Variants in GLI2 observed in about 807,000 individuals in gnomAD.
The protein encoded by GLI2 is GLI family zinc finger 2.
Under a neutral mutation model 78.9 loss-of-function variants are expected in GLI2, and 22 were observed. The ratio of observed to expected loss-of-function variants is 0.28; its 90% CI spans 0.20 to 0.40. GLI2 has a LOEUF of 0.40. Ranked by LOEUF, GLI2 falls within the 10% of genes least tolerant of loss-of-function variation. The pLI is 1.00. For missense variants in GLI2, 2,097 were observed against 2,213.2 expected, an observed-to-expected ratio of 0.95 and a Z score of 1.05; for synonymous variants, 974 against 963.7, an observed-to-expected ratio of 1.01 and a Z score of -0.20.
intron 2 of GLI2, among the ~76,000 whole-genome samples, chr2:120,897,198 C>T (rs762297158): frequency 1.3e-5 from 2 of 152,230 alleles, no homozygotes; most frequent in African/African-American, 2.4e-5. Flanking sequence ...GGGTCAGCCT[C>T]AGAAGTAGCA....
intron 2 of GLI2, among the ~76,000 whole-genome samples, chr2:120,812,249 C>G (rs1038313921): frequency 1.3e-5 from 2 of 152,184 alleles, no homozygotes; most frequent in Non-Finnish European, 2.9e-5. Context: ...CACCCCTGTA[C>G]AGCAGGACAG....
chr2:120,768,141 T>C (rs1430858860), intron 1 of GLI2, among the ~76,000 whole-genome samples: 1 of 152,246 alleles, frequency 6.6e-6, no homozygotes, highest in East Asian at 1.9e-4. Context: ...TACCCTGGAA[T>C]AGCAGTATTT....
At chr2:120,876,067 T>C (rs958892465) in intron 2 of GLI2, among the ~76,000 whole-genome samples, 12 of 151,952 alleles carry the variant, frequency 7.9e-5, no homozygotes, top group Non-Finnish European at 1.6e-4. Context: ...GCAGGCCGGG[T>C]GCGGTGGCTC....
intron 4 of GLI2, among the ~76,000 whole-genome samples, chr2:120,954,315 G>A (rs182552637): frequency 1.1e-3 from 164 of 152,312 alleles, no homozygotes; most frequent in African/African-American, 3.3e-3. Flanking sequence ...AAGGAGTAGG[G>A]GAGGGAACTT....
rs1484123408 is a variant in GLI2, at chr2:120,991,346, A to G, written c.*671A>G. On this transcript the variant is annotated 3_prime_UTR_variant, in exon 14 of 14. Coordinates refer to ENST00000361492, the MANE Select transcript of GLI2 (RefSeq NM_001374353.1). ...ATATGAATGAATAAAGCATCCAAGT[A>G]TATATGAATGAATAAAGTATGTAAG... The G allele has an allele frequency of 6.5e-6, 1 of 152,694 alleles. No individual in the cohort carries two copies. The allele number at this position is 152,694 out of a possible 1,614,324, so 9.5% of individuals were successfully genotyped here.
chr2:120,873,451 C>T (rs920827916), intron 2 of GLI2, among the ~76,000 whole-genome samples: 47 of 152,142 alleles, frequency 3.1e-4, no homozygotes, highest in African/African-American at 1.1e-3. Context: ...TTTGACAGAC[C>T]TCTTTGCTGT....
At position 120,978,499 on chromosome 2, in the gene GLI2, G is replaced by A. The variant is rs768606373; in HGVS notation, c.1383G>A (p.Thr461=). ...TTGTGTGCCGCTGGCAGGCCTGCAC[G>A]CGGGAGCAGAAGCCCTTCAAGGCGC... ...KEFVCRWQAC[T]REQKPFKAQY... is the part of the protein sequence containing the mutation. Residue 461 remains threonine (T), a synonymous_variant, in exon 10 of 14, where the codon ACG becomes ACA. Transcript: ENST00000361492. 78 of 1,614,032 alleles carry A rather than the reference G, an allele frequency of 4.8e-5. No individual in the cohort carries two copies. In the Admixed American group the frequency reaches 8.2e-4, roughly 17 times the overall value.
intron 2 of GLI2, among the ~76,000 whole-genome samples, chr2:120,803,018 G>T (rs570761258): frequency 6.6e-6 from 1 of 152,226 alleles, no homozygotes; most frequent in Non-Finnish European, 1.5e-5. Flanking sequence ...TTGGAGAACC[G>T]CATGTTCTGA....
chr2:120,928,546 G>A (rs1022510275), intron 3 of GLI2, among the ~76,000 whole-genome samples: 2 of 152,136 alleles, frequency 1.3e-5, no homozygotes, highest in East Asian at 1.9e-4. Flanking sequence ...ACCAGTGCTC[G>A]CTGAGTGGAG....
At chr2:120,902,119 G>T (rs896021166) in intron 2 of GLI2, among the ~76,000 whole-genome samples, 1 of 151,576 alleles carries the variant, frequency 6.6e-6, no homozygotes, top group Non-Finnish European at 1.5e-5. Context: ...TTGGTACCTT[G>T]AAATCAGCCA....
chr2:120,956,632 G>T (rs911814572), intron 5 of GLI2, among the ~76,000 whole-genome samples: 1 of 152,162 alleles, frequency 6.6e-6, no homozygotes, highest in Non-Finnish European at 1.5e-5. Flanking sequence ...ACAGGGAACA[G>T]GCAGGCACCT....
At chr2:120,874,335 G>A (rs1329321381) in intron 2 of GLI2, among the ~76,000 whole-genome samples, 1 of 152,222 alleles carries the variant, frequency 6.6e-6, no homozygotes, top group African/African-American at 2.4e-5. Flanking sequence ...CCTGTAGCAA[G>A]AGGGAAAAAA....
intron 12 of GLI2, 74 bp from the exon 13 acceptor site, chr2:120,986,204 T>A: frequency 7.2e-7 from 1 of 1,383,354 alleles, no homozygotes; most frequent in Non-Finnish European, 1.0e-6. Context: ...GTGGTGCCTG[T>A]GCAGGCCTAG....
intron 3 of GLI2, among the ~76,000 whole-genome samples, chr2:120,928,844 C>T (rs753940312): frequency 9.9e-5 from 15 of 152,222 alleles, no homozygotes; most frequent in Non-Finnish European, 1.5e-4. Context: ...ATATGCTTCA[C>T]GCAGCTCCTC....
At chr2:120,834,352 C>T (rs558885282) in intron 2 of GLI2, among the ~76,000 whole-genome samples, 1 of 152,084 alleles carries the variant, frequency 6.6e-6, no homozygotes, top group Non-Finnish European at 1.5e-5. Context: ...TTAGGGTTGG[C>T]CGGTTTGAAT....
intron 6 of GLI2, among the ~76,000 whole-genome samples, chr2:120,969,923 G>T (rs1368994119): frequency 1.3e-5 from 2 of 152,200 alleles, no homozygotes. Context: ...GTGAAGGTTG[G>T]CTCTTATGCA....
At chr2:120,785,278 C>G (rs1044404686) in intron 1 of GLI2, among the ~76,000 whole-genome samples, 1 of 152,148 alleles carries the variant, frequency 6.6e-6, no homozygotes, top group Admixed American at 6.5e-5. Context: ...CGGCTTAGCA[C>G]GTGAGCTACC....
At chr2:120,859,754 C>CTT (rs796743024) in intron 2 of GLI2, among the ~76,000 whole-genome samples, 3 of 143,998 alleles carry the variant, frequency 2.1e-5, no homozygotes, top group Non-Finnish European at 3.1e-5. Flanking sequence ...CGGGCCCGGC[C>CTT]TTTTTTTTTT....
chr2:120,989,166 G>T lies in GLI2; in HGVS notation c.3201G>T (p.Gln1067His), dbSNP rs774226078. Residue 1067 changes from glutamine (Q) to histidine (H), a missense_variant, in exon 14 of 14, where the codon CAG becomes CAT. Around this residue, in one of 5 missense-constraint regions of GLI2, gnomAD observed 1,290 missense variants for 1,261.7 expected, o/e 1.02. Transcript: ENST00000361492. ...GCGCTCTGGACGAGGGCACCGGGCA[G>T]GTGTATCCCACGGAAAGCACTGGCT... ...ASGALDEGTG[Q>H]VYPTESTGFS... is the part of the protein sequence containing the mutation. 6.2e-7 allele frequency: 1 copy of T among 1,613,232 alleles called. No individual in the cohort carries two copies. The highest frequency in any genetic ancestry group is 8.5e-7 in the Non-Finnish European group (1 of 1,180,008).
Sources: allele counts gnomAD v4.1 joint callset (sites outside exome capture counted in the v4.1 genomes callset), GRCh38; gene constraint gnomAD v4.1.1; regional missense constraint gnomAD v4.1.1; transcripts MANE v1.5; gene names NCBI Gene and HGNC (gene_info 2026-07-23, HGNC 2026-07-21).